The following BBS7 variants were observed in gnomAD, a reference collection of about 807,000 sequenced individuals.
The protein encoded by BBS7 is BBSome complex member BBS7.
A neutral mutation model predicts 90.3 loss-of-function variants in BBS7; 50 were observed. The ratio of observed to expected loss-of-function variants is 0.55; its 90% CI spans 0.44 to 0.70. The LOEUF (loss-of-function observed/expected upper bound fraction) is 0.70. BBS7 is among the 30% of genes least tolerant of loss of function. The pLI is 0.00. For synonymous variants in BBS7, 235 were observed against 287.4 expected (o/e 0.82, Z 1.85); for missense variants, 729 against 838.9 (o/e 0.87, Z 1.62).
chr4:121,840,144 T>A (rs1181880577), intron 12 of BBS7, among the ~76,000 whole-genome samples: 1 of 152,204 alleles, frequency 6.6e-6, no homozygotes, highest in African/African-American at 2.4e-5. Context: ...TGGGAGATAA[T>A]TGAATCATGG....
At chr4:121,863,598 A>G (rs1727102250) in intron 2 of BBS7, among the ~76,000 whole-genome samples, 1 of 152,166 alleles carries the variant, frequency 6.6e-6, no homozygotes, top group Admixed American at 6.5e-5. Context: ...TTACGAAGGT[A>G]TACTGCCAGA....
intron 1 of BBS7, among the ~76,000 whole-genome samples, chr4:121,868,518 C>CAAAAAAT (rs1727405206): frequency 2.0e-5 from 3 of 151,258 alleles, no homozygotes; most frequent in East Asian, 3.9e-4. Context: ...TCTGTCTCTA[C>CAAAAAAT]AAAAAATAAA....
intron 8 of BBS7, among the ~76,000 whole-genome samples, chr4:121,849,723 G>A (rs983726746): frequency 2.0e-5 from 3 of 152,060 alleles, no homozygotes; most frequent in African/African-American, 4.8e-5. Context: ...CCAGCTACTC[G>A]GGAGACTGAG....
intron 4 of BBS7, 133 bp from the exon 5 acceptor site, chr4:121,859,311 T>C: frequency 1.2e-6 from 1 of 825,790 alleles, no homozygotes; most frequent in Non-Finnish European, 1.9e-6. Flanking sequence ...TTTAAAACTT[T>C]CTCCTAGTTA....
chr4:121,833,297 G>C lies in BBS7; in HGVS notation c.1610C>G (p.Ala537Gly). 3 of 1,613,976 alleles carry C rather than the reference G, an allele frequency of 1.9e-6. No homozygotes were observed. Among genetic ancestry groups the C allele is most frequent in the Non-Finnish European group, 2.5e-6 (3 of 1,179,930 alleles). The change falls in exon 15 of 19, where the codon GCA (alanine) becomes GGA (glycine). Residue 537 changes from alanine (A) to glycine (G), a missense_variant. Coordinates refer to ENST00000264499, the MANE Select transcript of BBS7 (RefSeq NM_176824.3). ...CLPEVPEKPP[A>G]GECVTFYFQN... The stretch of plus-strand genomic sequence containing the variant: ...AAAGTAAAATGTCACACATTCTCCT[G>C]CTGGAGGTTTTTCTGGAACTTCAGG...
intron 6 of BBS7, 102 bp from the exon 7 acceptor site, chr4:121,854,922 TAA>T (rs1294364989): frequency 9.1e-7 from 1 of 1,096,188 alleles, no homozygotes; most frequent in Non-Finnish European, 1.3e-6. Flanking sequence ...AAAAGTACTA[TAA>T]AAAGATATAA....
Position 121,854,745 on chromosome 4 carries a change from G to A in BBS7, c.677C>T (p.Pro226Leu). Residue 226 changes from proline to leucine, a missense_variant, in exon 7 of 19, where the codon CCA (proline) becomes CTA (leucine). Coordinates refer to ENST00000264499, the MANE Select transcript of BBS7 (RefSeq NM_176824.3). The part of the protein sequence containing the change: ...LALIQITTSK[P>L]VRKWEIQNEK... Reference sequence around the variant, plus strand: ...ATTTTGAATTTCCCACTTGCGTACTGGTTTGGATGTAGTAATCTGTATAAG... The same window carrying A: ...ATTTTGAATTTCCCACTTGCGTACTAGTTTGGATGTAGTAATCTGTATAAG... 1 of 1,612,718 alleles carries A rather than the reference G, an allele frequency of 6.2e-7. No individual in the cohort carries two copies. The highest frequency in any genetic ancestry group is 8.5e-7 in the Non-Finnish European group (1 of 1,179,166).
rs202242026 is a variant in BBS7 at position 121,850,174 on chromosome 4, G to GT, written c.850-1247dup. ...GGAGCTGGTTTTTTGTTTTTGTTTG[G>GT]TTTTTTTTTTAGACAGGACATTGAT... On this transcript the variant is annotated intron_variant, in intron 8 of 18. Coordinates refer to ENST00000264499, the MANE Select transcript of BBS7 (RefSeq NM_176824.3). 1.9e-4 allele frequency among the ~76,000 whole-genome samples: 29 copies of GT among 150,786 alleles called. No individual in the cohort carries two copies. In the East Asian group the frequency reaches 4.3e-3, roughly 22 times the overall value.
chr4:121,867,866 T>C lies in BBS7; in HGVS notation c.102+115A>G, dbSNP rs3828484. The C allele has an allele frequency of 3.6e-4, 340 of 942,328 alleles. 2 individuals carry two copies. The East Asian group carries it at 8.8e-3, about 24-fold the overall frequency. The allele number at this position is 942,328 out of a possible 1,614,324, so 58.4% of individuals were successfully genotyped here. On this transcript the variant is annotated intron_variant, in intron 2 of 18. Transcript: ENST00000264499. ...GTTTCTGTTCAAATTAAAAAATTCA[T>C]TTCCATTTTAACATTAGCATTTTTA... is the stretch of plus-strand genomic sequence containing the variant.
Position 121,868,684 on chromosome 4 carries a change from C to CAAAAAAAAAAAAAAAAAAAAAAAAAA in BBS7, c.37-664_37-639dup, listed in dbSNP as rs34910805. Among the ~76,000 whole-genome samples, 2 of 49,684 alleles carry CAAAAAAAAAAAAAAAAAAAAAAAAAA rather than the reference C, an allele frequency of 4.0e-5. 1 individual carries two copies. 32.6% of individuals were successfully genotyped at this position (49,684 alleles called of 152,430 possible). A position where few individuals can be genotyped will look rare whatever the true frequency, so the allele number is the denominator to read the frequency against. On this transcript the variant is annotated intron_variant, in intron 1 of 18. Coordinates refer to ENST00000264499, the MANE Select transcript of BBS7 (RefSeq NM_176824.3). ...TGCGTGACAGAACAAGACCCTGTTT[C>CAAAAAAAAAAAAAAAAAAAAAAAAAA]AAAAAAAAAAAAAAAAAAAAAAAAA...
intron 1 of BBS7, among the ~76,000 whole-genome samples, chr4:121,869,029 A>G (rs1727445274): frequency 6.6e-6 from 1 of 152,186 alleles, no homozygotes; most frequent in Non-Finnish European, 1.5e-5. Flanking sequence ...AGGGAGATGA[A>G]GCTGGAGTTC....
intron 18 of BBS7, among the ~76,000 whole-genome samples, chr4:121,826,370 A>T (rs541889010): frequency 1.3e-5 from 2 of 152,366 alleles, no homozygotes; most frequent in African/African-American, 4.8e-5. Context: ...TATCTGAATT[A>T]AAATATTCCA....
At position 121,833,374 on chromosome 4, in the gene BBS7, T is replaced by G; in HGVS notation, c.1533A>C (p.Leu511=). 1 of 1,613,978 alleles carries G rather than the reference T, an allele frequency of 6.2e-7. No homozygotes were observed. The highest frequency in any genetic ancestry group is 8.5e-7 in the Non-Finnish European group (1 of 1,179,920). The part of the protein sequence containing the change: ...DHDRPMNTLT[L]TGQFSFAEVH... ...CTTCAGCAAAACTGAACTGGCCTGT[T>G]AGGGTCAGTGTATTCATGGGTCTGT... is the stretch of plus-strand genomic sequence containing the variant. The change falls in exon 15 of 19, where the codon CTA becomes CTC. Residue 511 remains leucine, a synonymous_variant. Coordinates refer to ENST00000264499, the MANE Select transcript of BBS7 (RefSeq NM_176824.3).
intron 18 of BBS7, 110 bp from the exon 19 acceptor site, chr4:121,826,103 T>C: frequency 1.1e-6 from 1 of 874,652 alleles, no homozygotes; most frequent in Non-Finnish European, 1.7e-6. Context: ...TGTAATTCCA[T>C]GATTTAACAT....
chr4:121,856,520 GC>G (rs1242438410), intron 5 of BBS7, among the ~76,000 whole-genome samples: 2 of 151,978 alleles, frequency 1.3e-5, no homozygotes, highest in African/African-American at 2.4e-5. Flanking sequence ...TTCAAGACCA[GC>G]CTGACCAACA....
chr4:121,828,137 T>C lies in BBS7; in HGVS notation c.2014+9A>G, dbSNP rs1387092987. 5.1e-5 allele frequency: 83 copies of C among 1,613,602 alleles called. No homozygotes were observed. The highest frequency in any genetic ancestry group is 7.0e-5 in the Non-Finnish European group (83 of 1,179,808). ...AATATGGCAAGGTATTCTAGAATGG[T>C]CCACTAACCATAGAGTCTTTCAAGA... On this transcript the variant is annotated intron_variant, in intron 18 of 18. Transcript: ENST00000264499.
intron 15 of BBS7, among the ~76,000 whole-genome samples, chr4:121,832,456 A>G (rs759905250): frequency 6.6e-6 from 1 of 152,234 alleles, no homozygotes; most frequent in Non-Finnish European, 1.5e-5. Context: ...AGGTAGAGAT[A>G]TTGGCCTTGC....
intron 15 of BBS7, among the ~76,000 whole-genome samples, chr4:121,831,496 A>G (rs960881708): frequency 3.3e-5 from 5 of 151,986 alleles, no homozygotes; most frequent in Non-Finnish European, 7.4e-5. Context: ...GTTGGACCTT[A>G]AAGGATAAAC....
intron 10 of BBS7, 28 bp downstream of exon 10, chr4:121,847,376 A>G (rs746256352): frequency 2.9e-5 from 43 of 1,472,868 alleles, no homozygotes; most frequent in Non-Finnish European, 3.7e-5. Flanking sequence ...GAGATTTTTA[A>G]AAAAGCAAAT....
Sources: gnomAD v4.1 joint callset for allele counts (sites outside exome capture counted in the v4.1 genomes callset) on GRCh38, gnomAD v4.1.1 for gene constraint, MANE v1.5 for transcripts, NCBI Gene and HGNC (gene_info 2026-07-23, HGNC 2026-07-21) for gene names.